The following PCDHGB6 variants were observed in gnomAD, a reference collection of about 807,000 sequenced individuals.
The protein encoded by PCDHGB6 is protocadherin gamma-B6.
PCDHGB6 carries 51 observed loss-of-function variants against 59.1 expected under a neutral mutation model. The observed-to-expected ratio is 0.86, with a 90% CI of 0.69 to 1.09. The LOEUF (loss-of-function observed/expected upper bound fraction) is 1.09. PCDHGB6 is among the 50% of genes least tolerant of loss of function. The pLI, the probability that PCDHGB6 is intolerant of heterozygous loss-of-function variation, is 0.00. For missense variants in PCDHGB6, 1,148 were observed against 1,205.1 expected, an observed-to-expected ratio of 0.95 and a Z score of 0.70; for synonymous variants, 466 against 495.1, an observed-to-expected ratio of 0.94 and a Z score of 0.78.
intron 2 of PCDHGB6, among the ~76,000 whole-genome samples, chr5:141,503,518 G>A (rs576791899): frequency 6.7e-6 from 1 of 149,524 alleles, no homozygotes; most frequent in East Asian, 2.0e-4. Flanking sequence ...AGAATCACTT[G>A]AACCTGGGAG....
In PCDHGB6 at chr5:141,410,302, A is replaced by C; in HGVS notation, c.2100A>C (p.Ser700=). ...FYLVVALALI[S]VLFLLAVILA... ...TGGTGGTGGCCTTGGCCTTAATCTCAGTGCTCTTCCTCCTCGCCGTGATTC... is the reference window on the plus strand; with the variant it reads ...TGGTGGTGGCCTTGGCCTTAATCTCCGTGCTCTTCCTCCTCGCCGTGATTC... Residue 700 remains serine, a synonymous_variant, in exon 1 of 4, where the codon TCA becomes TCC. Transcript: ENST00000520790. 1.2e-6 allele frequency: 2 copies of C among 1,613,356 alleles called. No individual in the cohort carries two copies. Among genetic ancestry groups the C allele is most frequent in the Non-Finnish European group, 1.7e-6 (2 of 1,179,422 alleles).
chr5:141,439,012 A>G (rs968054607), intron 1 of PCDHGB6, among the ~76,000 whole-genome samples: 4 of 151,916 alleles, frequency 2.6e-5, no homozygotes, highest in South Asian at 2.1e-4. Context: ...TTTGTTTGTC[A>G]AATTTTGAAA....
chr5:141,429,264 A>T (rs1029363907), intron 1 of PCDHGB6: 1 of 151,938 alleles, frequency 6.6e-6, no homozygotes, highest in Non-Finnish European at 1.5e-5. Flanking sequence ...TGAGGAATAA[A>T]TTTTTTTCCT....
At chr5:141,500,295 G>A (rs911106966) in intron 2 of PCDHGB6, among the ~76,000 whole-genome samples, 2 of 151,282 alleles carry the variant, frequency 1.3e-5, no homozygotes, top group African/African-American at 4.9e-5. Flanking sequence ...TGCAAGCTCC[G>A]CCTCCCAGGT....
rs749086929 is a variant in PCDHGB6, at chr5:141,485,998, T to A, written c.2419-8809T>A. ...CAGACCCGGACCTGGGTCCCAGTGG[T>A]AACGTCACCTTTTATTTCAGTGGTC... On this transcript the variant is annotated intron_variant, in intron 1 of 3. Transcript: ENST00000520790. The surrounding 1 kb of genome is among the most constrained non-coding windows in gnomAD (Gnocchi z 5.7). 2.4e-5 allele frequency: 38 copies of A among 1,614,068 alleles called. No individual in the cohort carries two copies. Among genetic ancestry groups the A allele is most frequent in the Non-Finnish European group, 3.1e-5 (37 of 1,180,046 alleles).
intron 1 of PCDHGB6, among the ~76,000 whole-genome samples, chr5:141,429,890 C>A (rs2097251428): frequency 6.6e-6 from 1 of 152,112 alleles, no homozygotes; most frequent in African/African-American, 2.4e-5. Context: ...GTTTCCTGAA[C>A]AATAAATATT....
chr5:141,439,416 G>T (rs1169961917), intron 1 of PCDHGB6, among the ~76,000 whole-genome samples: 3 of 152,156 alleles, frequency 2.0e-5, no homozygotes, highest in African/African-American at 7.2e-5. Flanking sequence ...CATCACTGAG[G>T]TTATAAATTC....
At position 141,443,088 on chromosome 5, in the gene PCDHGB6, T is replaced by C. The variant is rs188899890; in HGVS notation, c.2418+32468T>C. On this transcript the variant is annotated intron_variant, in intron 1 of 3. Transcript: ENST00000520790. ...CGTCTTATGACTGAGTGTTCCAGTC[T>C]CCTTCTCAAGCTGAACCTTGCTTTT... is the stretch of plus-strand genomic sequence containing the variant. 2.9e-3 allele frequency among the ~76,000 whole-genome samples: 446 copies of C among 152,092 alleles called. 1 individual carries two copies. Among genetic ancestry groups the C allele is most frequent in the Middle Eastern group, 0.014 (4 of 294 alleles).
rs776773140 is a variant in PCDHGB6, at chr5:141,476,589, G to T, written c.2419-18218G>T. The T allele has an allele frequency of 6.2e-7, 1 of 1,614,246 alleles. No individual in the cohort carries two copies. Among genetic ancestry groups the T allele is most frequent in the South Asian group, 1.1e-5 (1 of 91,090 alleles). On this transcript the variant is annotated intron_variant, in intron 1 of 3. Coordinates refer to ENST00000520790, the MANE Select transcript of PCDHGB6 (RefSeq NM_018926.3). This position sits in a 1 kb window ranked among gnomAD's most constrained non-coding sequence, Gnocchi z 7.6. ...CCGGGGACGCGCTTTCCGCTCGAGA[G>T]CGCGCACGATCCCGATGTGGGAAGC...
At position 141,423,614 on chromosome 5, in the gene PCDHGB6, A is replaced by C. The variant is rs1365658002; in HGVS notation, c.2418+12994A>C. 8 of 1,610,406 alleles carry C rather than the reference A, an allele frequency of 5.0e-6. No homozygotes were observed. The highest frequency in any genetic ancestry group is 6.8e-6 in the Non-Finnish European group (8 of 1,178,132). ...AAAAGCGAGCCACTCTTGATAGCTG[A>C]AGACTCAGCTATCATTTTAGGCAAA... On this transcript the variant is annotated intron_variant, in intron 1 of 3. Transcript: ENST00000520790.
At chr5:141,500,152 A>C (rs1301287171) in intron 2 of PCDHGB6, among the ~76,000 whole-genome samples, 1 of 151,610 alleles carries the variant, frequency 6.6e-6, no homozygotes, top group African/African-American at 2.4e-5. Flanking sequence ...TTCTTTGTGT[A>C]ATCAAAGAAC....
At position 141,436,830 on chromosome 5, in the gene PCDHGB6, T is replaced by C. The variant is rs1054296892; in HGVS notation, c.2418+26210T>C. On this transcript the variant is annotated intron_variant, in intron 1 of 3. Coordinates refer to ENST00000520790, the MANE Select transcript of PCDHGB6 (RefSeq NM_018926.3). ...TGACAGCTGGTTTAAAAATCTTAAGTGCCTAGGCACATTCTTGATTGAGAA... is the reference window on the plus strand; with the variant it reads ...TGACAGCTGGTTTAAAAATCTTAAGCGCCTAGGCACATTCTTGATTGAGAA... Among the ~76,000 whole-genome samples, 37 of 152,252 alleles carry C rather than the reference T, an allele frequency of 2.4e-4. 1 individual carries two copies.
Position 141,431,325 on chromosome 5 carries a change from G to GT in PCDHGB6, c.2418+20706dup, listed in dbSNP as rs1340996903. On this transcript the variant is annotated intron_variant, in intron 1 of 3. Transcript: ENST00000520790. This position sits in a 1 kb window ranked among gnomAD's most constrained non-coding sequence, Gnocchi z 4.8. ...ATCGTGCAAAATGGAGCCGACGGTA[G>GT]TAAGTACCCCGAATTGGTGCTGAAA... 22 of 1,614,028 alleles carry GT rather than the reference G, an allele frequency of 1.4e-5. No homozygotes were observed. In the Admixed American group the frequency reaches 2.5e-4, roughly 18 times the overall value.
chr5:141,489,290 G>A lies in PCDHGB6; in HGVS notation c.2419-5517G>A. 6.3e-7 allele frequency: 1 copy of A among 1,577,514 alleles called. No individual in the cohort carries two copies. The highest frequency in any genetic ancestry group is 8.6e-7 in the Non-Finnish European group (1 of 1,162,002). ...CTCGCTGGGAAATGGCAAGTGCTGT[G>A]CATGTTGTCCTTGTGCTGCTGGGGC... On this transcript the variant is annotated intron_variant, in intron 1 of 3. Transcript: ENST00000520790. This position sits in a 1 kb window ranked among gnomAD's most constrained non-coding sequence, Gnocchi z 4.5.
intron 1 of PCDHGB6, chr5:141,412,602 T>G (rs1239898248): frequency 6.6e-6 from 1 of 152,188 alleles, no homozygotes; most frequent in African/African-American, 2.4e-5. Flanking sequence ...CTAAATAAAA[T>G]TGGCCTATTC....
Position 141,490,885 on chromosome 5 carries a change from T to C in PCDHGB6, c.2419-3922T>C, listed in dbSNP as rs1317781676. The stretch of plus-strand genomic sequence containing the variant: ...CTCTCCCCCATTGCATGCCAACACA[T>C]CTCTGCATGTGTTTGTCCTAGACGA... On this transcript the variant is annotated intron_variant, in intron 1 of 3. Coordinates refer to ENST00000520790, the MANE Select transcript of PCDHGB6 (RefSeq NM_018926.3). This position sits in a 1 kb window ranked among gnomAD's most constrained non-coding sequence, Gnocchi z 5.4. The C allele has an allele frequency of 6.2e-7, 1 of 1,613,872 alleles. No individual in the cohort carries two copies. Among genetic ancestry groups the C allele is most frequent in the Non-Finnish European group, 8.5e-7 (1 of 1,179,904 alleles).
chr5:141,462,242 G>A (rs1325040495), intron 1 of PCDHGB6, among the ~76,000 whole-genome samples: 3 of 152,234 alleles, frequency 2.0e-5, no homozygotes, highest in Non-Finnish European at 4.4e-5. Context: ...TTACAGGTAT[G>A]AGCCACCATG....
intron 1 of PCDHGB6, among the ~76,000 whole-genome samples, chr5:141,464,193 A>C (rs991769179): frequency 1.3e-5 from 2 of 149,674 alleles, no homozygotes; most frequent in Non-Finnish European, 3.0e-5. Flanking sequence ...TGATTTCAGG[A>C]GGCGGAGATT....
chr5:141,464,773 C>G (rs576769467), intron 1 of PCDHGB6, among the ~76,000 whole-genome samples: 79 of 152,106 alleles, frequency 5.2e-4, no homozygotes, highest in African/African-American at 1.9e-3. Context: ...GAATCTTGTT[C>G]TGTTGCCCAG....
Sources: gnomAD v4.1 joint callset for allele counts (sites outside exome capture counted in the v4.1 genomes callset) on GRCh38, gnomAD v4.1.1 for gene constraint, Gnocchi (gnomAD v3.1) non-coding constraint, MANE v1.5 for transcripts, NCBI Gene and HGNC (gene_info 2026-07-23, HGNC 2026-07-21) for gene names.